SUV39H1: variants seen among roughly 807,000 people sequenced by gnomAD.
The protein encoded by SUV39H1 is histone-lysine N-methyltransferase SUV39H1.
For missense variants in SUV39H1, 180 were observed against 386.3 expected, an observed-to-expected ratio of 0.47 and a Z score of 4.48; for synonymous variants, 141 against 150.5, an observed-to-expected ratio of 0.94 and a Z score of 0.46.
At chrX:48,706,734 C>T (rs938957492) in intron 5 of SUV39H1, 107 bp downstream of exon 5, 8 of 975,958 alleles carry the variant, frequency 8.2e-6, no homozygotes, top group East Asian at 3.3e-5. Context: ...AATTCTTTAG[C>T]GGGAGCTTTA....
In SUV39H1 at chrX:48,700,355, C is replaced by T. The variant is rs782424305; in HGVS notation, c.430C>T (p.Arg144Cys). 3.3e-6 allele frequency: 4 copies of T among 1,210,806 alleles called. No homozygotes were observed. Among genetic ancestry groups the T allele is most frequent in the East Asian group, 3.0e-5 (1 of 33,780 alleles). The stretch of plus-strand genomic sequence containing the variant: ...CAATGCCAAGCGCAGCCATCTGGGA[C>T]GCATCACTGTAGAGAATGAGGTGGA... ...ELNAKRSHLGRITVENEVDLD... is the reference protein window; with the variant it reads ...ELNAKRSHLGCITVENEVDLD... Residue 144 changes from arginine (R) to cysteine (C), a missense_variant, in exon 3 of 6, where the codon CGC becomes TGC. Arg to Cys is a radical substitution (Grantham distance 180, BLOSUM62 -3). Coordinates refer to ENST00000376687, the MANE Select transcript of SUV39H1 (RefSeq NM_003173.4).
At position 48,707,548 on chromosome X, in the gene SUV39H1, C is replaced by T; in HGVS notation, c.1217C>T (p.Ser406Phe). 1 of 1,211,727 alleles carries T rather than the reference C, an allele frequency of 8.3e-7. No individual in the cohort carries two copies. Among genetic ancestry groups the T allele is most frequent in the Non-Finnish European group, 1.1e-6 (1 of 895,461 alleles). The change falls in exon 6 of 6, where the codon TCC (serine) becomes TTC (phenylalanine). Residue 406 changes from serine to phenylalanine, a missense_variant. Physicochemically the swap from Ser to Phe is radical, Grantham distance 155 (BLOSUM62 -2). Coordinates refer to ENST00000376687, the MANE Select transcript of SUV39H1 (RefSeq NM_003173.4). ...ATTGAATGCAAGTGTGGGACTGAGT[C>T]CTGCCGCAAATACCTCTTCTAGCCC... ...VRIECKCGTE[S>F]CRKYLF is the part of the protein sequence containing the mutation.
At chrX:48,696,598 G>C (rs1200067503), upstream of SUV39H1, 7 of 479,805 alleles carry the variant, frequency 1.5e-5, no homozygotes, top group Admixed American at 2.7e-4. Flanking sequence ...GGAAAGCGCG[G>C]CGAGCACCCG....
intron 3 of SUV39H1, among the ~76,000 whole-genome samples, chrX:48,701,765 G>A (rs1281882351): frequency 1.8e-5 from 2 of 111,525 alleles, no homozygotes; most frequent in African/African-American, 3.3e-5. Context: ...ATGATTTTTC[G>A]TTATGTAGAA....
chrX:48,700,872 G>C, intron 3 of SUV39H1, 119 bp downstream of exon 3: 2 of 901,801 alleles, frequency 2.2e-6, no homozygotes, highest in Non-Finnish European at 3.1e-6. Context: ...GAAAGGCCTG[G>C]GAGACTGATC....
chrX:48,699,239 C>G, intron 2 of SUV39H1, 192 bp downstream of exon 2: 1 of 397,632 alleles, frequency 2.5e-6, no homozygotes, highest in East Asian at 4.3e-5. Context: ...TGGGCAGGAG[C>G]CGGAATGAAT....
At chrX:48,695,994 T>A (rs1284148621), upstream of SUV39H1, 70 of 977,749 alleles carry the variant, frequency 7.2e-5, no homozygotes, top group Non-Finnish European at 9.8e-5. Context: ...AGTGACCAAC[T>A]GATAGTGCCC....
chrX:48,703,879 T>C, intron 3 of SUV39H1, among the ~76,000 whole-genome samples: 1 of 109,806 alleles, frequency 9.1e-6, no homozygotes, highest in East Asian at 2.9e-4. Flanking sequence ...CCCAGAGAGG[T>C]AGAATAACTT....
chrX:48,696,380 G>A (rs782475165), upstream of SUV39H1, among the ~76,000 whole-genome samples: 2 of 112,104 alleles, frequency 1.8e-5, no homozygotes, highest in Non-Finnish European at 3.8e-5. Context: ...CCACCTGGGA[G>A]CCCCGGCCTG....
intron 3 of SUV39H1, among the ~76,000 whole-genome samples, chrX:48,702,185 G>T (rs1285120941): frequency 8.9e-6 from 1 of 112,301 alleles, no homozygotes; most frequent in African/African-American, 3.2e-5. Flanking sequence ...GGAGGAGGTG[G>T]GGAGGTGTCC....
rs944550749 is a variant in SUV39H1 at position 48,699,956 on chromosome X, C to T, written c.166-135C>T. 2.5e-5 allele frequency: 13 copies of T among 512,069 alleles called. No individual in the cohort carries two copies. The African/African-American group carries it at 2.9e-4, about 11-fold the overall frequency. The allele number at this position is 512,069 out of a possible 1,213,427, so 42.2% of individuals were successfully genotyped here. ...TCTAGAGCCCATGCTTTTTAATCAC[C>T]GCATGAAGTCATTCCAGAAAAGGGG... On this transcript the variant is annotated intron_variant, in intron 2 of 5. Coordinates refer to ENST00000376687, the MANE Select transcript of SUV39H1 (RefSeq NM_003173.4).
chrX:48,697,735 A>G (rs2062461436), intron 1 of SUV39H1, among the ~76,000 whole-genome samples: 1 of 112,290 alleles, frequency 8.9e-6, no homozygotes, highest in Non-Finnish European at 1.9e-5. Context: ...TAAACATTTT[A>G]AAAAGATGAT....
At chrX:48,698,495 T>TCCGCC (rs1370459336) in intron 1 of SUV39H1, among the ~76,000 whole-genome samples, 9 of 111,628 alleles carry the variant, frequency 8.1e-5, no homozygotes, top group Admixed American at 6.6e-4. Context: ...TGTCCTCCCA[T>TCCGCC]CCGCCCCACC....
At chrX:48,701,910 G>T (rs1201845916) in intron 3 of SUV39H1, among the ~76,000 whole-genome samples, 1 of 111,561 alleles carries the variant, frequency 9.0e-6, no homozygotes, top group Non-Finnish European at 1.9e-5. Context: ...GATATAGTTG[G>T]AAAGTGACAG....
intron 3 of SUV39H1, among the ~76,000 whole-genome samples, chrX:48,703,348 G>A (rs2062480927): frequency 9.0e-6 from 1 of 111,629 alleles, no homozygotes; most frequent in African/African-American, 3.3e-5. Context: ...TGCCGTCCCA[G>A]ATGCTGCCAG....
intron 3 of SUV39H1, 130 bp from the exon 4 acceptor site, chrX:48,706,135 C>T: frequency 1.1e-6 from 1 of 899,268 alleles, no homozygotes; most frequent in South Asian, 2.5e-5. Context: ...GACAGACTCT[C>T]TGCGTCACTG....
At chrX:48,705,187 G>C (rs1357293629) in intron 3 of SUV39H1, 1 of 112,390 alleles carries the variant, frequency 8.9e-6, no homozygotes, top group Non-Finnish European at 1.9e-5. Context: ...GCCCGAGAGG[G>C]GTCTCTGGAG....
chrX:48,704,374 T>C (rs782455482), intron 3 of SUV39H1, among the ~76,000 whole-genome samples: 2 of 111,296 alleles, frequency 1.8e-5, no homozygotes, highest in South Asian at 7.6e-4. Context: ...AAGGAGGGCC[T>C]ACGGTGAAAA....
chrX:48,700,588 G>T lies in SUV39H1; in HGVS notation c.663G>T (p.Glu221Asp). The T allele has an allele frequency of 8.2e-7, 1 of 1,212,521 alleles. No homozygotes were observed. The highest frequency in any genetic ancestry group is 1.1e-6 in the Non-Finnish European group (1 of 895,627). The change falls in exon 3 of 6, where the codon GAG (glutamate) becomes GAT (aspartate). Residue 221 changes from glutamate (E) to aspartate (D), a missense_variant. Coordinates refer to ENST00000376687, the MANE Select transcript of SUV39H1 (RefSeq NM_003173.4). ...TTCGAGCCGGGCTGCCCATCTACGA[G>T]TGCAACTCCCGCTGCCGCTGCGGCT... ...VRLRAGLPIYECNSRCRCGYD... is the reference protein window; with the variant it reads ...VRLRAGLPIYDCNSRCRCGYD...
Sources: allele counts gnomAD v4.1 joint callset (sites outside exome capture counted in the v4.1 genomes callset), GRCh38; gene constraint gnomAD v4.1.1; transcripts MANE v1.5; gene names NCBI Gene and HGNC (gene_info 2026-07-23, HGNC 2026-07-21).